Variants in TENM3 observed in about 807,000 individuals in gnomAD.
TENM3 encodes the protein teneurin transmembrane protein 3.
In TENM3, 63 loss-of-function variants were observed where a neutral mutation model predicts 255.1. The ratio of observed to expected loss-of-function variants is 0.25; its 90% CI spans 0.20 to 0.30. TENM3 has a LOEUF of 0.30. Ranked by LOEUF, TENM3 falls within the 10% of genes least tolerant of loss-of-function variation. The probability of loss-of-function intolerance (pLI) is 1.00; values close to 1 mark genes in which losing one functional copy is unlikely to be tolerated. For synonymous variants in TENM3, 1,306 were observed against 1,322.3 expected (o/e 0.99, Z 0.27); for missense variants, 2,929 against 3,461.1 (o/e 0.85, Z 3.86).
the TENM3 span, among the ~76,000 whole-genome samples, chr4:181,722,493 T>G: frequency 6.6e-6 from 1 of 152,284 alleles, no homozygotes; most frequent in Non-Finnish European, 1.5e-5. Flanking sequence ...AACATAATTT[T>G]AAAGGAAAAG....
At chr4:181,988,174 A>G in the TENM3 span, among the ~76,000 whole-genome samples, 1 of 151,934 alleles carries the variant, frequency 6.6e-6, no homozygotes, top group African/African-American at 2.4e-5. Context: ...TCACTATCGT[A>G]TCTTTTTACT....
chr4:182,313,668 A>G (rs1580123809), intron 1 of TENM3, among the ~76,000 whole-genome samples: 1 of 74,004 alleles, frequency 1.4e-5, no homozygotes, highest in Non-Finnish European at 2.9e-5. Context: ...ATTTTAAATG[A>G]AAAAAAAACA....
chr4:182,685,799 G>C (rs1389092137), intron 11 of TENM3, among the ~76,000 whole-genome samples: 2 of 151,928 alleles, frequency 1.3e-5, no homozygotes, highest in Non-Finnish European at 2.9e-5. Flanking sequence ...AAGCACAATA[G>C]CCCCTTTTTT....
At chr4:181,954,152 ATTTG>A in the TENM3 span, among the ~76,000 whole-genome samples, 3 of 152,150 alleles carry the variant, frequency 2.0e-5, no homozygotes, top group East Asian at 1.9e-4. Context: ...ACCTACTATA[ATTTG>A]TTTATCTTTA....
At chr4:181,924,814 G>C in the TENM3 span, among the ~76,000 whole-genome samples, 1 of 152,090 alleles carries the variant, frequency 6.6e-6, no homozygotes, top group East Asian at 1.9e-4. Context: ...TGGTCTGTTG[G>C]GGTTCTCTTC....
chr4:181,800,043 G>A, the TENM3 span, among the ~76,000 whole-genome samples: 8 of 152,138 alleles, frequency 5.3e-5, no homozygotes, highest in Admixed American at 1.3e-4. Context: ...GATTGCCAGA[G>A]CTTCTGGTTC....
chr4:182,063,679 T>C, the TENM3 span, among the ~76,000 whole-genome samples: 1 of 152,168 alleles, frequency 6.6e-6, no homozygotes, highest in African/African-American at 2.4e-5. Flanking sequence ...ATTGAACAAC[T>C]ATTGTGAGCA....
chr4:181,575,937 C>T, the TENM3 span, among the ~76,000 whole-genome samples: 1 of 151,108 alleles, frequency 6.6e-6, no homozygotes, highest in Non-Finnish European at 1.5e-5. Context: ...ATTTAGGGGA[C>T]ACATTTTGTT....
At chr4:182,209,419 C>T (rs571979998) in intron 1 of TENM3, among the ~76,000 whole-genome samples, 25 of 152,192 alleles carry the variant, frequency 1.6e-4, no homozygotes, top group African/African-American at 4.8e-4. Context: ...GTAGAGCTCC[C>T]GTCCCCACCA....
chr4:181,894,145 G>T, the TENM3 span, among the ~76,000 whole-genome samples: 1 of 152,218 alleles, frequency 6.6e-6, no homozygotes, highest in East Asian at 1.9e-4. Context: ...TAAGGAGCTG[G>T]TCTTAATTAA....
At chr4:181,800,697 C>T in the TENM3 span, among the ~76,000 whole-genome samples, 5 of 152,164 alleles carry the variant, frequency 3.3e-5, no homozygotes, top group African/African-American at 1.2e-4. Context: ...TGTTCAGGTG[C>T]TTGACTCTTG....
At chr4:182,237,238 A>G (rs1327701979) in intron 1 of TENM3, among the ~76,000 whole-genome samples, 1 of 151,998 alleles carries the variant, frequency 6.6e-6, no homozygotes, top group East Asian at 1.9e-4. Context: ...CATTTTCTTT[A>G]TCCAGTCTGT....
intron 18 of TENM3, among the ~76,000 whole-genome samples, chr4:182,738,949 GT>G (rs11312566): frequency 0.65 from 97,420 of 150,796 alleles, 31,777 homozygotes; most frequent in East Asian, 0.8. Flanking sequence ...GGGGGGATTT[GT>G]TTTTTAAAAT....
At chr4:182,213,953 C>T (rs888667211) in intron 1 of TENM3, among the ~76,000 whole-genome samples, 15 of 152,046 alleles carry the variant, frequency 9.9e-5, no homozygotes, top group East Asian at 1.9e-4. Flanking sequence ...AGGCGCCCGC[C>T]ACCACGCCTG....
the TENM3 span, among the ~76,000 whole-genome samples, chr4:181,521,128 T>G: frequency 2.6e-5 from 4 of 152,174 alleles, no homozygotes; most frequent in African/African-American, 9.7e-5. Flanking sequence ...AAAGGCTTAA[T>G]TTGAGCAGCC....
intron 3 of TENM3, among the ~76,000 whole-genome samples, chr4:182,516,570 A>C (rs1050062969): frequency 6.6e-6 from 1 of 152,176 alleles, no homozygotes; most frequent in African/African-American, 2.4e-5. Flanking sequence ...ATTATTTCAT[A>C]AAGTCTGTAA....
At chr4:181,479,042 A>G in the TENM3 span, among the ~76,000 whole-genome samples, 4 of 152,342 alleles carry the variant, frequency 2.6e-5, no homozygotes, top group South Asian at 4.1e-4. Context: ...TCAGAATTTG[A>G]CTCAGTAGTG....
At chr4:182,649,649 C>T (rs889257239) in intron 5 of TENM3, among the ~76,000 whole-genome samples, 19 of 150,306 alleles carry the variant, frequency 1.3e-4, no homozygotes, top group African/African-American at 4.6e-4. Flanking sequence ...AACAAAATAG[C>T]CTGTTCTTAA....
chr4:182,469,448 C>T (rs1040817877), intron 3 of TENM3, among the ~76,000 whole-genome samples: 1 of 152,124 alleles, frequency 6.6e-6, no homozygotes, highest in Non-Finnish European at 1.5e-5. Flanking sequence ...AGCACGGTGG[C>T]TCATGCTTGC....
Sources: gnomAD v4.1 joint callset for allele counts (sites outside exome capture counted in the v4.1 genomes callset) on GRCh38, gnomAD v4.1.1 for gene constraint, MANE v1.5 for transcripts, NCBI Gene and HGNC (gene_info 2026-07-23, HGNC 2026-07-21) for gene names.